Variants in ZPLD1 observed in about 807,000 individuals in gnomAD.
The protein encoded by ZPLD1 is zona pellucida like domain containing 1.
In ZPLD1, 34 loss-of-function variants were observed where a neutral mutation model predicts 47.2. The ratio of observed to expected loss-of-function variants is 0.72; its 90% CI spans 0.55 to 0.96. The LOEUF (loss-of-function observed/expected upper bound fraction) is 0.96, where lower values mean the gene tolerates loss of function less well. Among genes scored for constraint, ZPLD1 ranks in the 40% least tolerant of loss-of-function variants. ZPLD1 has a pLI of 0.00. For synonymous variants in ZPLD1, 176 were observed against 186.2 expected (o/e 0.95, Z 0.45); for missense variants, 512 against 505.8 (o/e 1.01, Z -0.12).
chr3:102,402,966 C>T (rs979412882), intron 7 of ZPLD1, among the ~76,000 whole-genome samples: 2 of 151,926 alleles, frequency 1.3e-5, no homozygotes, highest in East Asian at 1.9e-4. Context: ...TAATGTACCC[C>T]TATGCACCCA....
chr3:102,438,890 C>T (rs1707132443), intron 3 of ZPLD1, among the ~76,000 whole-genome samples: 1 of 151,784 alleles, frequency 6.6e-6, no homozygotes, highest in African/African-American at 2.4e-5. Context: ...GTCTTTTTTT[C>T]TCATAAATTA....
chr3:102,466,876 C>A (rs1193229635), intron 8 of ZPLD1, among the ~76,000 whole-genome samples: 2 of 150,548 alleles, frequency 1.3e-5, no homozygotes, highest in Non-Finnish European at 3.0e-5. Context: ...TAGAATTGTC[C>A]CCCCAAAAGC....
intron 7 of ZPLD1, among the ~76,000 whole-genome samples, chr3:102,397,518 A>G (rs1396621081): frequency 6.6e-6 from 1 of 152,130 alleles, no homozygotes; most frequent in African/African-American, 2.4e-5. Context: ...TTTCTCAGCT[A>G]TAAATTGGAA....
intron 7 of ZPLD1, among the ~76,000 whole-genome samples, chr3:102,402,961 T>C (rs1473640231): frequency 6.6e-6 from 1 of 151,994 alleles, no homozygotes; most frequent in South Asian, 2.1e-4. Context: ...TAGCATAATG[T>C]ACCCCTATGC....
chr3:102,452,511 G>T (rs1707353412), intron 3 of ZPLD1, among the ~76,000 whole-genome samples: 1 of 152,028 alleles, frequency 6.6e-6, no homozygotes, highest in Non-Finnish European at 1.5e-5. Context: ...TTATACTTGG[G>T]AAAATGCATC....
intron 1 of ZPLD1, among the ~76,000 whole-genome samples, chr3:102,436,214 T>G (rs1707089228): frequency 6.6e-6 from 1 of 152,244 alleles, no homozygotes; most frequent in Non-Finnish European, 1.5e-5. Flanking sequence ...TTGTTCTCAG[T>G]GAGCTGTTTC....
intron 3 of ZPLD1, among the ~76,000 whole-genome samples, chr3:102,438,892 C>A: frequency 6.6e-6 from 1 of 151,756 alleles, no homozygotes; most frequent in African/African-American, 2.4e-5. Flanking sequence ...CTTTTTTTCT[C>A]ATAAATTAAT....
chr3:102,395,263 C>T (rs563204717), intron 7 of ZPLD1, among the ~76,000 whole-genome samples: 11 of 152,070 alleles, frequency 7.2e-5, no homozygotes, highest in Non-Finnish European at 1.3e-4. Flanking sequence ...TATATATATA[C>T]ACACACATAT....
chr3:102,477,665 A>G lies in ZPLD1; in HGVS notation c.*47A>G. The G allele has an allele frequency of 6.7e-7, 1 of 1,500,998 alleles. No individual in the cohort carries two copies. Among genetic ancestry groups the G allele is most frequent in the Non-Finnish European group, 9.0e-7 (1 of 1,112,682 alleles). 93.0% of individuals were successfully genotyped at this position (1,500,998 alleles called of 1,614,324 possible). On this transcript the variant is annotated 3_prime_UTR_variant, in exon 12 of 12. Transcript: ENST00000466937. ...TGGAGAAGGCTTCACTGACTAAACT[A>G]TGTGTGACTGCAGTCAGTGTTCCGT...
chr3:102,415,608 GA>G (rs1038786671), intron 7 of ZPLD1, among the ~76,000 whole-genome samples: 1 of 151,770 alleles, frequency 6.6e-6, no homozygotes, highest in Non-Finnish European at 1.5e-5. Context: ...TTGCTTTAAA[GA>G]AAAAATGTAA....
intron 8 of ZPLD1, among the ~76,000 whole-genome samples, chr3:102,467,836 T>TACAC (rs61096565): frequency 0.16 from 22,611 of 140,820 alleles, 1,958 homozygotes; most frequent in Middle Eastern, 0.23. Flanking sequence ...AATAAAACTG[T>TACAC]ACACACACAC....
intron 6 of ZPLD1, among the ~76,000 whole-genome samples, chr3:102,389,239 C>A (rs941766083): frequency 1.9e-4 from 29 of 152,150 alleles, no homozygotes; most frequent in Non-Finnish European, 3.4e-4. Context: ...ATGATTTATT[C>A]TTTTACAATT....
intron 8 of ZPLD1, among the ~76,000 whole-genome samples, chr3:102,468,672 T>G (rs574584077): frequency 5.4e-4 from 83 of 152,332 alleles, no homozygotes; most frequent in African/African-American, 1.9e-3. Context: ...TGAGATCACC[T>G]CTGGCAGGTT....
At chr3:102,477,412 T>G in intron 11 of ZPLD1, 31 bp from the exon 12 acceptor site, 1 of 1,596,638 alleles carries the variant, frequency 6.3e-7, no homozygotes, top group South Asian at 1.1e-5. Flanking sequence ...ATATGGGGCC[T>G]TTACAACCGG....
intron 9 of ZPLD1, among the ~76,000 whole-genome samples, chr3:102,469,869 A>G (rs1349576450): frequency 6.6e-6 from 1 of 152,230 alleles, no homozygotes; most frequent in Non-Finnish European, 1.5e-5. Flanking sequence ...CCGGCTCTCT[A>G]GGGCCACATC....
At chr3:102,477,278 T>C (rs1390409911) in intron 11 of ZPLD1, among the ~76,000 whole-genome samples, 165 bp from the exon 12 acceptor site, 1 of 152,112 alleles carries the variant, frequency 6.6e-6, no homozygotes, top group Non-Finnish European at 1.5e-5. Context: ...CATACAATCC[T>C]TTGGTATTGG....
chr3:102,473,692 T>C (rs1185499834), intron 10 of ZPLD1, among the ~76,000 whole-genome samples: 3 of 152,248 alleles, frequency 2.0e-5, no homozygotes, highest in Non-Finnish European at 1.5e-5. Flanking sequence ...TACATTGTAA[T>C]ACTATGATAT....
At chr3:102,402,371 C>G (rs1211689691) in intron 7 of ZPLD1, among the ~76,000 whole-genome samples, 1 of 151,996 alleles carries the variant, frequency 6.6e-6, no homozygotes, top group Non-Finnish European at 1.5e-5. Context: ...AGCAGTTTTA[C>G]CTTCACTTTT....
intron 10 of ZPLD1, among the ~76,000 whole-genome samples, chr3:102,474,667 T>A (rs1220963788): frequency 1.3e-5 from 2 of 152,234 alleles, no homozygotes; most frequent in African/African-American, 4.8e-5. Flanking sequence ...TGGTCATTTT[T>A]AAAATTATTA....
Sources: gnomAD v4.1 joint callset for allele counts (sites outside exome capture counted in the v4.1 genomes callset) on GRCh38, gnomAD v4.1.1 for gene constraint, MANE v1.5 for transcripts, NCBI Gene and HGNC (gene_info 2026-07-23, HGNC 2026-07-21) for gene names.